Variants in RAB28 observed in about 807,000 individuals in gnomAD.
RAB28 encodes the protein RAB28, member RAS oncogene family.
Under a neutral mutation model 31.7 loss-of-function variants are expected in RAB28, and 24 were observed. The ratio of observed to expected loss-of-function variants is 0.76; its 90% CI spans 0.55 to 1.06. RAB28 has a LOEUF of 1.06. Among genes scored for constraint, RAB28 ranks in the 50% least tolerant of loss-of-function variants. RAB28 has a pLI of 0.00. For missense variants in RAB28, 254 were observed against 258.5 expected, an observed-to-expected ratio of 0.98 and a Z score of 0.12; for synonymous variants, 100 against 90.4, an observed-to-expected ratio of 1.11 and a Z score of -0.60.
chr4:13,465,812 A>T (rs973961756), intron 3 of RAB28, among the ~76,000 whole-genome samples: 25 of 150,644 alleles, frequency 1.7e-4, no homozygotes, highest in African/African-American at 6.1e-4. Context: ...ATACTACTTG[A>T]TTTGAAACTA....
chr4:13,472,056 A>C (rs979853848), intron 3 of RAB28, among the ~76,000 whole-genome samples: 15 of 152,124 alleles, frequency 9.9e-5, no homozygotes, highest in Non-Finnish European at 1.5e-5. Flanking sequence ...CTTTGTAATA[A>C]CATAAAATAT....
rs533736992 is a variant in RAB28, at chr4:13,460,343, A to C, written c.391+356T>G. On this transcript the variant is annotated intron_variant, in intron 4 of 6. Transcript: ENST00000330852. ...CTATCCTCACATGGCAGAGAGAATTATCTCTCTCATGTCTCTTATGAAGGC... is the reference window on the plus strand; with the variant it reads ...CTATCCTCACATGGCAGAGAGAATTCTCTCTCTCATGTCTCTTATGAAGGC... 3.9e-4 allele frequency among the ~76,000 whole-genome samples: 60 copies of C among 152,114 alleles called. 1 individual carries two copies. The South Asian group carries it at 0.011, about 29-fold the overall frequency.
chr4:13,369,871 C>G, intron 6 of RAB28: 1 of 1,605,740 alleles, frequency 6.2e-7, no homozygotes. Flanking sequence ...CACTTAATAC[C>G]TGCACTACTG....
intron 4 of RAB28, among the ~76,000 whole-genome samples, chr4:13,433,494 T>G (rs942368783): frequency 6.6e-6 from 1 of 152,050 alleles, no homozygotes; most frequent in Admixed American, 6.5e-5. Flanking sequence ...TACTAAAAAG[T>G]AGGCAAAGCA....
At chr4:13,452,610 C>A (rs1384676077) in intron 4 of RAB28, among the ~76,000 whole-genome samples, 1 of 151,914 alleles carries the variant, frequency 6.6e-6, no homozygotes, top group Non-Finnish European at 1.5e-5. Context: ...TAGTTTTATT[C>A]CATATAGTCA....
At position 13,427,463 on chromosome 4, in the gene RAB28, CT is replaced by C. The variant is rs144658586; in HGVS notation, c.391+33235del. On this transcript the variant is annotated intron_variant, in intron 4 of 6. Coordinates refer to ENST00000330852, the MANE Select transcript of RAB28 (RefSeq NM_001017979.3). ...TTCTGCCTACAGGTACTTTCTAGAC[CT>C]ACTAAAGAGGAGAAAACAAGGAGAG... is the stretch of plus-strand genomic sequence containing the variant. 9.6e-3 allele frequency among the ~76,000 whole-genome samples: 1,464 copies of C among 152,164 alleles called. 26 individuals are homozygous for C. Among genetic ancestry groups the C allele is most frequent in the African/African-American group, 0.033 (1,383 of 41,502 alleles).
At chr4:13,481,185 G>A (rs756969087) in intron 1 of RAB28, among the ~76,000 whole-genome samples, 21 of 151,970 alleles carry the variant, frequency 1.4e-4, no homozygotes, top group Non-Finnish European at 2.9e-4. Flanking sequence ...GTGACTTCTA[G>A]ATTTTGAAAG....
intron 4 of RAB28, among the ~76,000 whole-genome samples, chr4:13,413,155 A>G (rs1035185937): frequency 1.3e-5 from 2 of 152,222 alleles, no homozygotes; most frequent in Non-Finnish European, 2.9e-5. Context: ...TGAAAGGTAT[A>G]TGTTATCCAT....
intron 4 of RAB28, among the ~76,000 whole-genome samples, chr4:13,441,904 T>C (rs1269660380): frequency 6.6e-6 from 1 of 152,190 alleles, no homozygotes. Flanking sequence ...GCAGTAACTT[T>C]CCAAAAATGT....
intron 4 of RAB28, among the ~76,000 whole-genome samples, chr4:13,386,493 A>G (rs1239121421): frequency 6.6e-6 from 1 of 152,118 alleles, no homozygotes; most frequent in African/African-American, 2.4e-5. Flanking sequence ...GCATCCAACT[A>G]ACATGAAAAA....
At chr4:13,451,841 A>G (rs1052436444) in intron 4 of RAB28, among the ~76,000 whole-genome samples, 9 of 151,950 alleles carry the variant, frequency 5.9e-5, no homozygotes, top group African/African-American at 2.2e-4. Context: ...TTTATTGAAG[A>G]GAGTGTCCTT....
chr4:13,477,666 T>G lies in RAB28; in HGVS notation c.172+1764A>C, dbSNP rs566053381. On this transcript the variant is annotated intron_variant, in intron 2 of 6. Transcript: ENST00000330852. The stretch of plus-strand genomic sequence containing the variant: ...CTGCCTTAAAAAAAAAATAGAAGTT[T>G]TTTTCTGGAACTTTGCCATCAAAAT... 4.0e-5 allele frequency among the ~76,000 whole-genome samples: 6 copies of G among 151,462 alleles called. 1 individual carries two copies. In the South Asian group the frequency reaches 1.2e-3, roughly 31 times the overall value.
intron 2 of RAB28, among the ~76,000 whole-genome samples, chr4:13,476,883 A>G (rs893577045): frequency 6.6e-6 from 1 of 151,570 alleles, no homozygotes; most frequent in Non-Finnish European, 1.5e-5. Flanking sequence ...GAAAAAATAA[A>G]ATAAATGAGG....
chr4:13,450,641 G>A (rs13145438), intron 4 of RAB28, among the ~76,000 whole-genome samples: 26,775 of 151,774 alleles, frequency 0.18, 2,931 homozygotes, highest in Non-Finnish European at 0.24. Context: ...ATACAGACAA[G>A]AAACAATATA....
At chr4:13,386,949 T>C (rs1041100973) in intron 4 of RAB28, among the ~76,000 whole-genome samples, 13 of 152,084 alleles carry the variant, frequency 8.5e-5, no homozygotes, top group African/African-American at 2.7e-4. Context: ...TGTGGGAACA[T>C]GGATGGACCT....
chr4:13,429,566 G>A (rs1713693982), intron 4 of RAB28, among the ~76,000 whole-genome samples: 1 of 150,152 alleles, frequency 6.7e-6, no homozygotes, highest in South Asian at 2.1e-4. Flanking sequence ...AAATTACACA[G>A]GAATAAATTT....
intron 4 of RAB28, among the ~76,000 whole-genome samples, chr4:13,400,381 C>T (rs181651270): frequency 7.9e-5 from 12 of 152,258 alleles, no homozygotes. Flanking sequence ...GGAGTTTTGA[C>T]TGAAATTATG....
intron 3 of RAB28, among the ~76,000 whole-genome samples, chr4:13,463,793 A>G (rs1715711350): frequency 6.6e-6 from 1 of 152,110 alleles, no homozygotes; most frequent in Admixed American, 6.6e-5. Context: ...CATAATTAGT[A>G]CCACTGTGGT....
At chr4:13,434,901 C>T (rs1277807433) in intron 4 of RAB28, among the ~76,000 whole-genome samples, 1 of 151,374 alleles carries the variant, frequency 6.6e-6, no homozygotes, top group Non-Finnish European at 1.5e-5. Flanking sequence ...TACCTGTAAT[C>T]CCAGCTACTC....
Sources: gnomAD v4.1 joint callset for allele counts (sites outside exome capture counted in the v4.1 genomes callset) on GRCh38, gnomAD v4.1.1 for gene constraint, MANE v1.5 for transcripts, NCBI Gene and HGNC (gene_info 2026-07-23, HGNC 2026-07-21) for gene names.